Variants in RPS6KA2 observed in about 807,000 individuals in gnomAD.
The protein encoded by RPS6KA2 is ribosomal protein S6 kinase A2, also known as ribosomal protein S6 kinase alpha-2.
RPS6KA2 carries 42 observed loss-of-function variants against 91.8 expected under a neutral mutation model. The observed-to-expected ratio is 0.46, with a 90% CI of 0.36 to 0.59. The LOEUF (loss-of-function observed/expected upper bound fraction) is 0.59, where lower values mean the gene tolerates loss of function less well. Among genes scored for constraint, RPS6KA2 ranks in the 20% least tolerant of loss-of-function variants. The probability of loss-of-function intolerance (pLI) is 0.00; values close to 1 mark genes in which losing one functional copy is unlikely to be tolerated. For synonymous variants in RPS6KA2, 414 were observed against 393.6 expected (o/e 1.05, Z -0.61); for missense variants, 798 against 978.5 (o/e 0.82, Z 2.46).
intron 2 of RPS6KA2, among the ~76,000 whole-genome samples, chr6:166,811,115 T>C (rs1316443913): frequency 6.6e-6 from 1 of 152,240 alleles, no homozygotes; most frequent in East Asian, 1.9e-4. Context: ...ACTTAAAGTA[T>C]AGGTCAAATA....
At chr6:166,428,140 A>C (rs1224858381) in intron 16 of RPS6KA2, among the ~76,000 whole-genome samples, 2 of 152,184 alleles carry the variant, frequency 1.3e-5, no homozygotes, top group East Asian at 3.9e-4. Flanking sequence ...AGCCCTCAGA[A>C]ATAACGCCGC....
chr6:166,756,565 C>T (rs768311539), intron 2 of RPS6KA2, among the ~76,000 whole-genome samples: 11 of 152,128 alleles, frequency 7.2e-5, no homozygotes, highest in African/African-American at 1.4e-4. Context: ...TGGGCAATCT[C>T]GGCTGGGTGT....
At position 166,423,255 on chromosome 6, in the gene RPS6KA2, C is replaced by A; in HGVS notation, c.1743+1G>T. 6.2e-7 allele frequency: 1 copy of A among 1,609,642 alleles called. No individual in the cohort carries two copies. ...TGGGTCTGCAGTCGGGGAATGCTCA[C>A]CTCCGGGGCCACGAAATTGGCCGTG... is the stretch of plus-strand genomic sequence containing the variant. On this transcript the variant is annotated splice_donor_variant, in intron 17 of 20. Transcript: ENST00000265678. LOFTEE classifies it high-confidence loss of function. This position sits in a 1 kb window ranked among gnomAD's most constrained non-coding sequence, Gnocchi z 4.8.
At position 166,587,679 on chromosome 6, in the gene RPS6KA2, T is replaced by C. The variant is rs556894513; in HGVS notation, c.99+39242A>G. Among the ~76,000 whole-genome samples, 16 of 151,246 alleles carry C rather than the reference T, an allele frequency of 1.1e-4. No homozygotes were observed. In the East Asian group the frequency reaches 2.1e-3, roughly 20 times the overall value. On this transcript the variant is annotated intron_variant, in intron 1 of 20. Coordinates refer to ENST00000265678, the MANE Select transcript of RPS6KA2 (RefSeq NM_021135.6). Reference sequence around the variant, plus strand: ...ATAAAATAAATATTATATATATATATACACACACAAAAATGTAAAATATAT... The same window carrying C: ...ATAAAATAAATATTATATATATATACACACACACAAAAATGTAAAATATAT...
At chr6:166,451,435 C>A (rs1217504541) in intron 12 of RPS6KA2, among the ~76,000 whole-genome samples, 1 of 151,014 alleles carries the variant, frequency 6.6e-6, no homozygotes, top group African/African-American at 2.4e-5. Context: ...AAACTACATT[C>A]TTTTGGCTTG....
intron 10 of RPS6KA2, among the ~76,000 whole-genome samples, chr6:166,473,070 C>T (rs1780830364): frequency 6.6e-6 from 1 of 152,168 alleles, no homozygotes; most frequent in African/African-American, 2.4e-5. Context: ...CAAATTGGGG[C>T]GTCACCTAAT....
chr6:166,446,998 C>T (rs1190619969), intron 14 of RPS6KA2, among the ~76,000 whole-genome samples: 1 of 152,170 alleles, frequency 6.6e-6, no homozygotes, highest in Non-Finnish European at 1.5e-5. Flanking sequence ...TGCTCTTCAC[C>T]ACTGGAACAT....
At chr6:166,535,080 C>A (rs537151363) in intron 2 of RPS6KA2, among the ~76,000 whole-genome samples, 2 of 152,324 alleles carry the variant, frequency 1.3e-5, no homozygotes, top group Non-Finnish European at 2.9e-5. Flanking sequence ...CTCGAGCTAA[C>A]GCAGGCACTG....
At chr6:166,840,130 G>T (rs1780429608) in intron 2 of RPS6KA2, among the ~76,000 whole-genome samples, 1 of 152,046 alleles carries the variant, frequency 6.6e-6, no homozygotes, top group South Asian at 2.1e-4. Flanking sequence ...TGACTCCTTT[G>T]CTCCTAAAAC....
intron 2 of RPS6KA2, among the ~76,000 whole-genome samples, chr6:166,765,328 G>T (rs989882968): frequency 6.6e-6 from 1 of 152,184 alleles, no homozygotes; most frequent in African/African-American, 2.4e-5. Context: ...TCAAGTAGAG[G>T]ATGCTCCGGG....
At chr6:166,539,514 C>T (rs543201943) in intron 1 of RPS6KA2, among the ~76,000 whole-genome samples, 6 of 152,260 alleles carry the variant, frequency 3.9e-5, no homozygotes, top group South Asian at 4.2e-4. Flanking sequence ...CCTTCTGATT[C>T]ACGCTATCCC....
intron 2 of RPS6KA2, among the ~76,000 whole-genome samples, chr6:166,721,935 G>C (rs1221578939): frequency 6.6e-6 from 1 of 152,140 alleles, no homozygotes; most frequent in East Asian, 1.9e-4. Context: ...CGCCGGCAGG[G>C]ATACCACCAT....
At chr6:166,808,321 C>T (rs1367844394) in intron 2 of RPS6KA2, among the ~76,000 whole-genome samples, 1 of 152,232 alleles carries the variant, frequency 6.6e-6, no homozygotes, top group Non-Finnish European at 1.5e-5. Flanking sequence ...GCAGCGTGGT[C>T]TGAAGTCTCT....
At chr6:166,598,964 C>T (rs182388516) in intron 1 of RPS6KA2, among the ~76,000 whole-genome samples, 2 of 152,334 alleles carry the variant, frequency 1.3e-5, no homozygotes, top group Admixed American at 6.5e-5. Context: ...GGGCCCAGCC[C>T]GGCCTGTCTC....
chr6:166,656,019 C>T (rs1293336131), intron 2 of RPS6KA2, among the ~76,000 whole-genome samples: 1 of 152,206 alleles, frequency 6.6e-6, no homozygotes, highest in Non-Finnish European at 1.5e-5. Context: ...CAGAACACTA[C>T]ACAACAGTGA....
At chr6:166,829,003 A>G (rs1780113301) in intron 2 of RPS6KA2, among the ~76,000 whole-genome samples, 1 of 152,260 alleles carries the variant, frequency 6.6e-6, no homozygotes, top group Non-Finnish European at 1.5e-5. Context: ...AAAAAACCAA[A>G]TAACCCAATT....
intron 2 of RPS6KA2, among the ~76,000 whole-genome samples, chr6:166,705,702 AG>A (rs1479947504): frequency 6.6e-6 from 1 of 152,220 alleles, no homozygotes; most frequent in African/African-American, 2.4e-5. Context: ...ACACAATCCT[AG>A]ACATAGACAC....
At chr6:166,817,646 C>T (rs955722574) in intron 2 of RPS6KA2, among the ~76,000 whole-genome samples, 1 of 152,112 alleles carries the variant, frequency 6.6e-6, no homozygotes, top group African/African-American at 2.4e-5. Context: ...CCAGTTGTTA[C>T]AATTGTGCAT....
chr6:166,758,384 C>T lies in RPS6KA2; in HGVS notation c.123+99816G>A, dbSNP rs555936640. ...CCTCTCTGGCTAACATAAACATTTG[C>T]TTTGTTTTCCTGATCAAAACTGAAT... On this transcript the variant is annotated intron_variant, in intron 2 of 21. Transcript: ENST00000503859. Among the ~76,000 whole-genome samples the T allele has an allele frequency of 3.9e-4, 60 of 152,322 alleles. 1 individual carries two copies. In the South Asian group the frequency reaches 0.012, roughly 31 times the overall value.
Sources: gnomAD v4.1 joint callset for allele counts (sites outside exome capture counted in the v4.1 genomes callset) on GRCh38, gnomAD v4.1.1 for gene constraint, Gnocchi (gnomAD v3.1) non-coding constraint, MANE v1.5 for transcripts, NCBI Gene and HGNC (gene_info 2026-07-23, HGNC 2026-07-21) for gene names.